KRT39: variants seen among roughly 807,000 people sequenced by gnomAD.
The protein encoded by KRT39 is keratin, type I cytoskeletal 39.
KRT39 carries 47 observed loss-of-function variants against 54.8 expected under a neutral mutation model. The observed-to-expected ratio is 0.86, with a 90% confidence interval of 0.68 to 1.09. The LOEUF is 1.09. Among genes scored for constraint, KRT39 ranks in the 50% least tolerant of loss-of-function variants. KRT39 has a pLI of 0.00. For missense variants in KRT39, 580 were observed against 598.5 expected, an observed-to-expected ratio of 0.97 and a Z score of 0.32; for synonymous variants, 207 against 227.9, an observed-to-expected ratio of 0.91 and a Z score of 0.83.
Position 40,966,467 on chromosome 17 carries a change from T to C in KRT39, c.390A>G (p.Glu130=), listed in dbSNP as rs750756326. 14 of 1,614,208 alleles carry C rather than the reference T, an allele frequency of 8.7e-6. 1 individual carries two copies. The South Asian group carries it at 1.5e-4, about 18-fold the overall frequency. ...GAACAGGGAGCTCTTTGTTACTTTC[T>C]TCCTGGATTTTAGATTCCAGTTCAG... is the stretch of plus-strand genomic sequence containing the variant. The part of the protein sequence containing the change: ...ENAELESKIQ[E]ESNKELPVLC... The change falls in exon 1 of 7, where the codon GAA becomes GAG. Residue 130 remains glutamate (E), a synonymous_variant. Transcript: ENST00000355612.
intron 1 of KRT39, 130 bp from the exon 2 acceptor site, chr17:40,964,658 A>G: frequency 4.7e-6 from 3 of 639,662 alleles, no homozygotes; most frequent in Non-Finnish European, 8.5e-6. Context: ...CTTCATAGCT[A>G]TGCTCACAAA....
chr17:40,962,697 C>A (rs1597905315), intron 3 of KRT39, 134 bp from the exon 4 acceptor site: 1 of 720,940 alleles, frequency 1.4e-6, no homozygotes, highest in East Asian at 2.5e-5. Context: ...ACATGATTTA[C>A]AGGTGTTATT....
intron 2 of KRT39, 73 bp downstream of exon 2, chr17:40,964,373 C>T: frequency 7.8e-7 from 1 of 1,283,308 alleles, no homozygotes; most frequent in Non-Finnish European, 1.1e-6. Context: ...GACATGGGGA[C>T]AATTTTGTTG....
At position 40,958,513 on chromosome 17, in the gene KRT39, G is replaced by A. The variant is rs750894516; in HGVS notation, c.*88C>T. ...TAGTAAGAAACTAAGTACCTTAAGG[G>A]ACTGGGGAGTTTTCTTAAACCTCTC... On this transcript the variant is annotated 3_prime_UTR_variant, in exon 7 of 7. Transcript: ENST00000355612. 3 of 1,441,204 alleles carry A rather than the reference G, an allele frequency of 2.1e-6. No individual in the cohort carries two copies. Among genetic ancestry groups the A allele is most frequent in the Non-Finnish European group, 2.8e-6 (3 of 1,066,296 alleles). The allele number at this position is 1,441,204 out of a possible 1,614,324, so 89.3% of individuals were successfully genotyped here. A position where few individuals can be genotyped will look rare whatever the true frequency, so the allele number is the denominator to read the frequency against.
chr17:40,960,244 AC>A lies in KRT39; in HGVS notation c.1217+36del. ...AGTACATATATCTGCGTTCATTTACACTTTTTTGTCATAGAAGTTGCTGTTA... is the reference window on the plus strand; with the variant it reads ...AGTACATATATCTGCGTTCATTTACATTTTTTGTCATAGAAGTTGCTGTTA... On this transcript the variant is annotated intron_variant, in intron 6 of 6. Coordinates refer to ENST00000355612, the MANE Select transcript of KRT39 (RefSeq NM_213656.4). The A allele has an allele frequency of 2.5e-6, 4 of 1,574,190 alleles. No individual in the cohort carries two copies. The South Asian group carries it at 4.4e-5, about 17-fold the overall frequency.
chr17:40,960,581 A>G, intron 5 of KRT39, 80 bp from the exon 6 acceptor site: 3 of 1,088,586 alleles, frequency 2.8e-6, no homozygotes, highest in Non-Finnish European at 4.2e-6. Flanking sequence ...TTTAAAAAAA[A>G]TGGTTTCTTT....
intron 6 of KRT39, among the ~76,000 whole-genome samples, chr17:40,959,113 A>G (rs1200508808): frequency 2.0e-5 from 3 of 152,240 alleles, no homozygotes. Flanking sequence ...CACATTGTGG[A>G]AAGAATACTG....
rs756430643 is a variant in KRT39 at position 40,966,561 on chromosome 17, G to C, written c.296C>G (p.Thr99Ser). ...GEGINSNEKE[T>S]MQILNERLAN... ...AAGGCGCTCGTTCAAGATTTGCATG[G>C]TCTCCTTCTCATTACTGTTGATGCC... The change falls in exon 1 of 7, where the codon ACC becomes AGC. Residue 99 changes from threonine to serine, a missense_variant. Thr to Ser is a moderately conservative substitution (Grantham distance 58). Coordinates refer to ENST00000355612, the MANE Select transcript of KRT39 (RefSeq NM_213656.4). 8.1e-6 allele frequency: 13 copies of C among 1,614,038 alleles called. No individual in the cohort carries two copies. The highest frequency in any genetic ancestry group is 1.7e-6 in the Non-Finnish European group (2 of 1,180,038).
intron 5 of KRT39, 32 bp downstream of exon 5, chr17:40,962,130 G>A: frequency 2.5e-6 from 4 of 1,610,036 alleles, no homozygotes; most frequent in Non-Finnish European, 3.4e-6. Flanking sequence ...TTCCATCTTT[G>A]CTGAGCTAGG....
chr17:40,960,280 C>G lies in KRT39; in HGVS notation c.1217+1G>C. The G allele has an allele frequency of 1.2e-6, 2 of 1,610,750 alleles. No individual in the cohort carries two copies. The highest frequency in any genetic ancestry group is 1.7e-6 in the Non-Finnish European group (2 of 1,179,736). The stretch of plus-strand genomic sequence containing the variant: ...ATAGAAGTTGCTGTTATTTTACATA[C>G]TTGCCATCCGAGCTCTCCAGAAGGC... On this transcript the variant is annotated splice_donor_variant, in intron 6 of 6. Transcript: ENST00000355612. LOFTEE classifies it high-confidence loss of function.
chr17:40,966,342 A>G (rs758726514), intron 1 of KRT39, 47 bp downstream of exon 1: 66 of 1,396,856 alleles, frequency 4.7e-5, no homozygotes, highest in East Asian at 4.6e-5. Context: ...TGTTGCTTGG[A>G]AACCATTAAT....
intron 6 of KRT39, among the ~76,000 whole-genome samples, 172 bp downstream of exon 6, chr17:40,960,109 G>GC (rs1911075642): frequency 6.6e-6 from 1 of 152,176 alleles, no homozygotes; most frequent in Non-Finnish European, 1.5e-5. Context: ...GGTTACAATT[G>GC]CAAGTCTTCC....
At chr17:40,965,184 A>G (rs1911331476) in intron 1 of KRT39, among the ~76,000 whole-genome samples, 1 of 149,392 alleles carries the variant, frequency 6.7e-6, no homozygotes, top group African/African-American at 2.5e-5. Flanking sequence ...AGCCTGGGAG[A>G]CAGAGCGAGA....
At chr17:40,963,814 T>A (rs1420856569) in intron 2 of KRT39, 31 bp from the exon 3 acceptor site, 1 of 1,546,070 alleles carries the variant, frequency 6.5e-7, no homozygotes, top group Non-Finnish European at 8.8e-7. Flanking sequence ...AAGAGAGACA[T>A]CTGAAAGGAG....
At chr17:40,965,970 C>T (rs530117418) in intron 1 of KRT39, among the ~76,000 whole-genome samples, 1 of 152,124 alleles carries the variant, frequency 6.6e-6, no homozygotes, top group Non-Finnish European at 1.5e-5. Flanking sequence ...GCAGCCTCAA[C>T]CTCTTGGGCT....
At chr17:40,966,237 C>T in intron 1 of KRT39, 152 bp downstream of exon 1, 1 of 628,122 alleles carries the variant, frequency 1.6e-6, no homozygotes, top group Non-Finnish European at 2.8e-6. Context: ...CTGAATGCTG[C>T]CTCAAGATGA....
At chr17:40,963,568 G>A in intron 3 of KRT39, 59 bp downstream of exon 3, 1 of 1,500,812 alleles carries the variant, frequency 6.7e-7, no homozygotes, top group Non-Finnish European at 9.1e-7. Flanking sequence ...GCAACTCAAA[G>A]GAACTGATGC....
intron 5 of KRT39, among the ~76,000 whole-genome samples, chr17:40,961,949 T>C (rs1248477125): frequency 2.6e-5 from 4 of 152,250 alleles, no homozygotes; most frequent in Non-Finnish European, 4.4e-5. Context: ...TATTAGCTTA[T>C]TAATGGCTCA....
Position 40,966,597 on chromosome 17 carries a change from C to T in KRT39, c.260G>A (p.Trp87Ter). The change falls in exon 1 of 7, where the codon TGG becomes TAG. Residue 87 changes from tryptophan to a stop codon, truncating the protein, a stop_gained. Coordinates refer to ENST00000355612, the MANE Select transcript of KRT39 (RefSeq NM_213656.4). LOFTEE classifies it high-confidence loss of function. ...NARFSLDDCSWYGEGINSNEK... is the reference protein window; with the variant it reads ...NARFSLDDCS ...ATTACTGTTGATGCCTTCACCATACCAGCTGCAGTCATCCAGAGAAAAACG... is the reference window on the plus strand; with the variant it reads ...ATTACTGTTGATGCCTTCACCATACTAGCTGCAGTCATCCAGAGAAAAACG... 1 of 1,614,144 alleles carries T rather than the reference C, an allele frequency of 6.2e-7. No individual in the cohort carries two copies. Among genetic ancestry groups the T allele is most frequent in the Non-Finnish European group, 8.5e-7 (1 of 1,180,018 alleles).
Sources: gnomAD v4.1 joint callset for allele counts (sites outside exome capture counted in the v4.1 genomes callset) on GRCh38, gnomAD v4.1.1 for gene constraint, MANE v1.5 for transcripts, NCBI Gene and HGNC (gene_info 2026-07-23, HGNC 2026-07-21) for gene names.